The following DCAF8L2 variants were observed in gnomAD, a reference collection of about 807,000 sequenced individuals.
DCAF8L2 encodes the protein DDB1- and CUL4-associated factor 8-like protein 2.
For synonymous variants in DCAF8L2, 200 were observed against 190.9 expected (o/e 1.05, Z -0.39); for missense variants, 430 against 490.7 (o/e 0.88, Z 1.17).
At chrX:27,716,753 G>C (rs1931714440) in intron 4 of DCAF8L2, among the ~76,000 whole-genome samples, 1 of 111,850 alleles carries the variant, frequency 8.9e-6, no homozygotes, top group African/African-American at 3.3e-5. Context: ...TTAGTTCTGG[G>C]GGACATGTGC....
At chrX:27,547,550 A>G in the DCAF8L2 span, among the ~76,000 whole-genome samples, 1 of 112,030 alleles carries the variant, frequency 8.9e-6, no homozygotes, top group South Asian at 3.7e-4. Context: ...CAATCATGGC[A>G]GAAGAGGAAG....
the DCAF8L2 span, among the ~76,000 whole-genome samples, chrX:27,490,310 G>A: frequency 8.9e-6 from 1 of 112,076 alleles, no homozygotes; most frequent in Non-Finnish European, 1.9e-5. Flanking sequence ...TTGAGGTGGG[G>A]TGTTTCTGAC....
intron 1 of DCAF8L2, among the ~76,000 whole-genome samples, chrX:27,620,070 C>T (rs897948639): frequency 4.5e-5 from 5 of 111,307 alleles, no homozygotes; most frequent in Non-Finnish European, 7.5e-5. Flanking sequence ...CTAAATTTCA[C>T]TTATAATGAG....
chrX:27,544,025 T>G, the DCAF8L2 span, among the ~76,000 whole-genome samples: 1 of 112,041 alleles, frequency 8.9e-6, no homozygotes, highest in Non-Finnish European at 1.9e-5. Context: ...AGGTTTTCTC[T>G]ATGGTCCCCC....
At chrX:27,517,717 C>T in the DCAF8L2 span, 3 of 1,012,274 alleles carry the variant, frequency 3.0e-6, no homozygotes, top group African/African-American at 3.7e-5. Context: ...CTGCTTTTCT[C>T]TGTTGGTGGT....
At chrX:27,647,546 A>G (rs925905211) in intron 2 of DCAF8L2, among the ~76,000 whole-genome samples, 2 of 112,026 alleles carry the variant, frequency 1.8e-5, no homozygotes, top group Non-Finnish European at 3.8e-5. Context: ...CATCCTCCAC[A>G]TGTACCACAG....
intron 1 of DCAF8L2, among the ~76,000 whole-genome samples, chrX:27,593,462 T>A (rs1926210957): frequency 8.9e-6 from 1 of 111,915 alleles, no homozygotes; most frequent in Non-Finnish European, 1.9e-5. Context: ...ATTTTGTTTA[T>A]CTATTCAGAC....
At chrX:27,743,556 C>T (rs1311305559) in intron 4 of DCAF8L2, among the ~76,000 whole-genome samples, 5 of 107,566 alleles carry the variant, frequency 4.6e-5, no homozygotes, top group African/African-American at 1.4e-4. Flanking sequence ...CCACCACGAC[C>T]GGCTAATTTT....
chrX:27,714,596 A>G (rs1028465571), intron 3 of DCAF8L2, among the ~76,000 whole-genome samples: 2 of 112,316 alleles, frequency 1.8e-5, no homozygotes, highest in African/African-American at 3.2e-5. Context: ...AAGGTATTCT[A>G]TTTTGGTGGA....
Position 27,647,823 on chromosome X carries a change from A to G in DCAF8L2, c.-220+15823A>G, listed in dbSNP as rs146815753. Among the ~76,000 whole-genome samples, 982 of 111,829 alleles carry G rather than the reference A, an allele frequency of 8.8e-3. 13 individuals are homozygous for G. Among genetic ancestry groups the G allele is most frequent in the African/African-American group, 0.031 (940 of 30,775 alleles). On this transcript the variant is annotated intron_variant, in intron 2 of 4. Coordinates refer to ENST00000451261, the MANE Select transcript of DCAF8L2 (RefSeq NM_001353450.2). ...CAATGACAAGGAAAATTGTCTTTCT[A>G]GACTTGGGTTCAGGGAAGAATTTTT...
the DCAF8L2 span, among the ~76,000 whole-genome samples, chrX:27,546,178 GC>G: frequency 0.096 from 10,680 of 111,512 alleles, 406 homozygotes; most frequent in Non-Finnish European, 0.12. Context: ...GGGGATACAA[GC>G]CCCATGTAAG....
intron 1 of DCAF8L2, among the ~76,000 whole-genome samples, chrX:27,611,151 A>T (rs1210797039): frequency 9.0e-6 from 1 of 111,190 alleles, no homozygotes; most frequent in East Asian, 2.8e-4. Context: ...TATCTATCAC[A>T]ACGGAGACAA....
At chrX:27,720,881 A>G (rs1440032003) in intron 4 of DCAF8L2, among the ~76,000 whole-genome samples, 2 of 111,749 alleles carry the variant, frequency 1.8e-5, no homozygotes, top group African/African-American at 6.5e-5. Context: ...CATATATTTT[A>G]TTAAATGCAT....
chrX:27,745,096 T>C (rs894418035), intron 4 of DCAF8L2, among the ~76,000 whole-genome samples: 2 of 111,917 alleles, frequency 1.8e-5, no homozygotes, highest in Non-Finnish European at 3.8e-5. Context: ...AGACCCCTTG[T>C]TTATGAACAT....
chrX:27,713,198 A>C (rs931633708), intron 3 of DCAF8L2, among the ~76,000 whole-genome samples: 1 of 111,914 alleles, frequency 8.9e-6, no homozygotes, highest in Non-Finnish European at 1.9e-5. Context: ...GACATTTCAC[A>C]GCTTTAGGAG....
intron 4 of DCAF8L2, among the ~76,000 whole-genome samples, chrX:27,729,868 C>T (rs1376788542): frequency 9.0e-6 from 1 of 111,707 alleles, no homozygotes; most frequent in Non-Finnish European, 1.9e-5. Flanking sequence ...TGCTGTACTC[C>T]TAGCTGAACA....
the DCAF8L2 span, among the ~76,000 whole-genome samples, chrX:27,472,402 T>C: frequency 1.8e-5 from 2 of 112,044 alleles, no homozygotes; most frequent in Non-Finnish European, 3.8e-5. Flanking sequence ...AATTTTACTT[T>C]AAGTTCTGGG....
the DCAF8L2 span, among the ~76,000 whole-genome samples, chrX:27,473,681 C>T: frequency 3.6e-5 from 4 of 110,300 alleles, no homozygotes; most frequent in Admixed American, 2.9e-4. Context: ...ACAACTAACT[C>T]TAGTTGCATA....
chrX:27,574,768 T>C, the DCAF8L2 span, among the ~76,000 whole-genome samples: 2 of 111,181 alleles, frequency 1.8e-5, no homozygotes, highest in Non-Finnish European at 3.8e-5. Flanking sequence ...CTGGCTCGCT[T>C]TTTCAGTGCC....
Sources: gnomAD v4.1 joint callset for allele counts (sites outside exome capture counted in the v4.1 genomes callset) on GRCh38, gnomAD v4.1.1 for gene constraint, MANE v1.5 for transcripts, NCBI Gene and HGNC (gene_info 2026-07-23, HGNC 2026-07-21) for gene names.